Variants in DEPDC5 observed in about 807,000 individuals in gnomAD.
DEPDC5 encodes DEP domain containing 5, GATOR1 subcomplex subunit.
In DEPDC5, 73 loss-of-function variants were observed where a neutral mutation model predicts 217.3. The ratio of observed to expected loss-of-function variants is 0.34; its 90% CI spans 0.28 to 0.41. The LOEUF is 0.41. Among genes scored for constraint, DEPDC5 ranks in the 10% least tolerant of loss-of-function variants. The pLI is 1.00. For synonymous variants in DEPDC5, 733 were observed against 756.7 expected, an observed-to-expected ratio of 0.97 and a Z score of 0.51; for missense variants, 1,675 against 2,070.1, an observed-to-expected ratio of 0.81 and a Z score of 3.70.
intron 12 of DEPDC5, among the ~76,000 whole-genome samples, chr22:31,794,986 C>T (rs979856113): frequency 1.3e-5 from 2 of 151,696 alleles, no homozygotes; most frequent in African/African-American, 4.8e-5. Context: ...GTCTTCATTA[C>T]TTTGGTGAAT....
At chr22:31,857,841 G>T (rs750554298) in intron 32 of DEPDC5, 6 of 270,418 alleles carry the variant, frequency 2.2e-5, no homozygotes. Flanking sequence ...CTTGAGCCCA[G>T]GAGTTTGAGA....
intron 22 of DEPDC5, 62 bp downstream of exon 22, chr22:31,819,287 C>A: frequency 6.4e-7 from 1 of 1,574,324 alleles, no homozygotes; most frequent in South Asian, 1.1e-5. Flanking sequence ...TCCTCAGTGT[C>A]GGTCACCCAT....
At chr22:31,811,136 C>T (rs1312227452) in intron 20 of DEPDC5, among the ~76,000 whole-genome samples, 2 of 151,610 alleles carry the variant, frequency 1.3e-5, no homozygotes, top group African/African-American at 2.4e-5. Context: ...ATGACACAAT[C>T]TCTGCTCACT....
At chr22:31,826,604 T>C (rs2090163605) in intron 24 of DEPDC5, 7 of 336,298 alleles carry the variant, frequency 2.1e-5, no homozygotes, top group Non-Finnish European at 2.9e-5. Context: ...GCCCCGGTGG[T>C]TCCCCCTCCT....
intron 38 of DEPDC5, among the ~76,000 whole-genome samples, chr22:31,887,002 G>A (rs1478197078): frequency 2.0e-5 from 3 of 151,726 alleles, no homozygotes; most frequent in Non-Finnish European, 4.4e-5. Flanking sequence ...AGAATTGCTT[G>A]AACCCGGGAG....
intron 25 of DEPDC5, among the ~76,000 whole-genome samples, chr22:31,834,854 A>G (rs2090879887): frequency 6.6e-6 from 1 of 152,108 alleles, no homozygotes; most frequent in African/African-American, 2.4e-5. Context: ...TAATCCTTTT[A>G]CTATTTGTTC....
intron 34 of DEPDC5, among the ~76,000 whole-genome samples, chr22:31,872,123 C>T (rs1424189767): frequency 6.6e-6 from 1 of 152,084 alleles, no homozygotes; most frequent in East Asian, 1.9e-4. Flanking sequence ...CTGGATAAGC[C>T]CCACAGCTGG....
chr22:31,856,567 ATATT>A (rs2092312540), intron 31 of DEPDC5, among the ~76,000 whole-genome samples: 1 of 152,198 alleles, frequency 6.6e-6, no homozygotes, highest in Non-Finnish European at 1.5e-5. Context: ...AAACATGAAA[ATATT>A]CATTCATGTA....
intron 10 of DEPDC5, among the ~76,000 whole-genome samples, chr22:31,790,420 T>C (rs1454712559): frequency 1.3e-5 from 2 of 152,188 alleles, no homozygotes; most frequent in Non-Finnish European, 2.9e-5. Flanking sequence ...AGGATATTGA[T>C]CTCCAGACTC....
intron 29 of DEPDC5, 21 bp from the exon 30 acceptor site, chr22:31,844,997 G>A: frequency 1.2e-6 from 2 of 1,613,370 alleles, no homozygotes; most frequent in Non-Finnish European, 1.7e-6. Flanking sequence ...CCACCACCCT[G>A]TGTTTTCCTT....
intron 31 of DEPDC5, among the ~76,000 whole-genome samples, chr22:31,853,810 C>T (rs1342154391): frequency 6.6e-6 from 1 of 152,168 alleles, no homozygotes; most frequent in African/African-American, 2.4e-5. Context: ...ACAGCCAAGT[C>T]AGGGCAGAGA....
chr22:31,829,996 A>C (rs2090466165), intron 24 of DEPDC5, among the ~76,000 whole-genome samples: 1 of 152,322 alleles, frequency 6.6e-6, no homozygotes, highest in South Asian at 2.1e-4. Context: ...TTTGTGTTGA[A>C]TATTAGGTGC....
In DEPDC5 at chr22:31,822,706, C is replaced by A; in HGVS notation, c.2020C>A (p.Arg674Ser). The A allele has an allele frequency of 6.2e-7, 1 of 1,614,060 alleles. No homozygotes were observed. The highest frequency in any genetic ancestry group is 1.1e-5 in the South Asian group (1 of 91,060). The change falls in exon 24 of 43, where the codon CGC becomes AGC. Residue 674 changes from arginine (R) to serine (S), a missense_variant. Around this residue, in one of 11 missense-constraint regions of DEPDC5, gnomAD observed 136 missense variants for 132.2 expected, o/e 1.03. Coordinates refer to ENST00000651528, the MANE Select transcript of DEPDC5 (RefSeq NM_001242896.3). ...TGTTCTCTGCAGGCACAGCAATTCCCGCCAGCCTGGTGACGGCATGTCCTT... is the reference window on the plus strand; with the variant it reads ...TGTTCTCTGCAGGCACAGCAATTCCAGCCAGCCTGGTGACGGCATGTCCTT... ...HEAAGRHSNSRQPGDGMSFLN... is the reference protein window; with the variant it reads ...HEAAGRHSNSSQPGDGMSFLN...
intron 26 of DEPDC5, 74 bp downstream of exon 26, chr22:31,837,229 A>G: frequency 2.0e-6 from 3 of 1,511,676 alleles, no homozygotes; most frequent in Non-Finnish European, 2.7e-6. Flanking sequence ...GCATCAGAAC[A>G]CTGGATTTGT....
At chr22:31,818,911 AT>A in intron 21 of DEPDC5, 110 bp from the exon 22 acceptor site, 2 of 1,114,728 alleles carry the variant, frequency 1.8e-6, no homozygotes. Context: ...ACTCCCTGAC[AT>A]TTATAATGCC....
chr22:31,806,016 C>T lies in DEPDC5; in HGVS notation c.1218-106C>T, dbSNP rs948010185. 7.7e-5 allele frequency: 69 copies of T among 890,698 alleles called. No individual in the cohort carries two copies. The East Asian group carries it at 1.6e-3, about 21-fold the overall frequency. The allele number at this position is 890,698 out of a possible 1,614,324, so 55.2% of individuals were successfully genotyped here. On this transcript the variant is annotated intron_variant, in intron 17 of 42. Transcript: ENST00000651528. ...TTGGGAAGATTAGTGAAGCTGAGAACAAAGCCCATGTCAGGAGGGCTGATC... is the reference window on the plus strand; with the variant it reads ...TTGGGAAGATTAGTGAAGCTGAGAATAAAGCCCATGTCAGGAGGGCTGATC...
intron 4 of DEPDC5, 105 bp downstream of exon 4, chr22:31,760,807 T>C: frequency 1.1e-6 from 1 of 923,474 alleles, no homozygotes; most frequent in Non-Finnish European, 1.6e-6. Context: ...AATTCTCTTC[T>C]TTTTTAAACA....
chr22:31,766,999 T>C (rs536546321), intron 6 of DEPDC5, among the ~76,000 whole-genome samples: 359 of 152,296 alleles, frequency 2.4e-3, no homozygotes, highest in African/African-American at 8.4e-3. Context: ...CCCTAATTTA[T>C]AGAGGTAGAA....
intron 17 of DEPDC5, 81 bp downstream of exon 17, chr22:31,804,996 C>T: frequency 7.5e-7 from 1 of 1,325,518 alleles, no homozygotes; most frequent in Non-Finnish European, 1.1e-6. Flanking sequence ...CTGTTAAGTT[C>T]TTATTATGGC....
Sources: gnomAD v4.1 joint callset for allele counts (sites outside exome capture counted in the v4.1 genomes callset) on GRCh38, gnomAD v4.1.1 for gene constraint, gnomAD v4.1.1 regional missense constraint, MANE v1.5 for transcripts, NCBI Gene and HGNC (gene_info 2026-07-23, HGNC 2026-07-21) for gene names.